The following EMSY variants were observed in gnomAD, a reference collection of about 807,000 sequenced individuals.
EMSY encodes BRCA2-interacting transcriptional repressor EMSY.
In EMSY, 26 loss-of-function variants were observed where a neutral mutation model predicts 134.6. The observed-to-expected ratio is 0.19, with a 90% CI of 0.14 to 0.27. EMSY has a LOEUF of 0.27. Among genes scored for constraint, EMSY ranks in the 10% least tolerant of loss-of-function variants. EMSY has a pLI of 1.00. For synonymous variants in EMSY, 579 were observed against 577.8 expected (o/e 1.00, Z -0.03); for missense variants, 1,305 against 1,611.4 (o/e 0.81, Z 3.26).
At chr11:76,513,317 C>T in intron 9 of EMSY, 69 bp from the exon 11 acceptor site, 2 of 1,491,950 alleles carry the variant, frequency 1.3e-6, no homozygotes, top group African/African-American at 1.4e-5. Flanking sequence ...CTACTGCCCT[C>T]TTGGGTTGGT....
At chr11:76,457,430 T>C (rs953500402) in intron 4 of EMSY, among the ~76,000 whole-genome samples, 2 of 152,220 alleles carry the variant, frequency 1.3e-5, no homozygotes, top group African/African-American at 2.4e-5. Flanking sequence ...ATTCTTGGAA[T>C]AAAATTTGCT....
chr11:76,505,210 G>T (rs1346357006), intron 9 of EMSY, among the ~76,000 whole-genome samples: 1 of 152,080 alleles, frequency 6.6e-6, no homozygotes, highest in Non-Finnish European at 1.5e-5. Flanking sequence ...TCGGCCGGGA[G>T]CGGTGGCTCA....
At chr11:76,552,537 T>A (rs1026053297), downstream of EMSY, 1 of 152,200 alleles carries the variant, frequency 6.6e-6, no homozygotes, top group Admixed American at 6.5e-5. Context: ...TCCTAACAAC[T>A]ATTAGGCAGT....
At chr11:76,512,423 G>A (rs1950310029) in intron 9 of EMSY, among the ~76,000 whole-genome samples, 1 of 151,974 alleles carries the variant, frequency 6.6e-6, no homozygotes, top group South Asian at 2.1e-4. Flanking sequence ...TTTAGTAGTG[G>A]TATTTCCGTT....
intron 19 of EMSY, 30 bp downstream of exon 20, chr11:76,544,852 A>G: frequency 6.2e-7 from 1 of 1,602,254 alleles, no homozygotes; most frequent in South Asian, 1.1e-5. Context: ...ATGCAAAGTT[A>G]AACTTCTCTG....
chr11:76,487,765 T>G (rs1407547750), intron 8 of EMSY, among the ~76,000 whole-genome samples: 1 of 152,268 alleles, frequency 6.6e-6, no homozygotes, highest in Non-Finnish European at 1.5e-5. Context: ...ATGTTTCGAC[T>G]TGGGTCACAT....
At position 76,453,424 on chromosome 11, in the gene EMSY, GAC is replaced by G. The variant is rs577305612; in HGVS notation, c.245+38_245+39del. ...AGTCGTACCATCCCTGATTTTTTAT[GAC>G]ATAGTATAACACAGTTTTGAAACAG... On this transcript the variant is annotated intron_variant, in intron 4 of 20. Transcript: ENST00000334736. 7.0e-5 allele frequency: 110 copies of G among 1,582,060 alleles called. No individual in the cohort carries two copies. The African/African-American group carries it at 1.1e-3, about 16-fold the overall frequency.
At chr11:76,511,860 A>G (rs1950289481) in intron 9 of EMSY, among the ~76,000 whole-genome samples, 15 of 152,170 alleles carry the variant, frequency 9.9e-5, no homozygotes, top group Admixed American at 9.8e-4. Flanking sequence ...TATGAACTTT[A>G]CAGTTGTGAT....
chr11:76,466,554 G>A (rs913820272), intron 7 of EMSY, among the ~76,000 whole-genome samples: 9 of 152,016 alleles, frequency 5.9e-5, no homozygotes, highest in African/African-American at 2.2e-4. Context: ...TTCTGTGTTC[G>A]GTGTATGGTC....
intron 4 of EMSY, 27 bp downstream of exon 4, chr11:76,453,415 A>AT (rs1565271104): frequency 1.3e-6 from 2 of 1,597,848 alleles, no homozygotes; most frequent in Admixed American, 1.7e-5. Context: ...ACCATCCCTG[A>AT]TTTTTTATGA....
rs11236769 is a variant in EMSY at position 76,508,482 on chromosome 11, T to C, written c.1364-4904T>C. Reference sequence around the variant, plus strand: ...AGGCAGAGTAGATTTAGCATCCTTTTTAAGGACCCTAGCATTTTGCGAATG... The same window carrying C: ...AGGCAGAGTAGATTTAGCATCCTTTCTAAGGACCCTAGCATTTTGCGAATG... On this transcript the variant is annotated intron_variant, in intron 9 of 20. Coordinates refer to ENST00000334736, the Ensembl canonical transcript of EMSY. Among the ~76,000 whole-genome samples, 1,036 of 152,248 alleles carry C rather than the reference T, an allele frequency of 6.8e-3. 11 individuals carry two copies. The highest frequency in any genetic ancestry group is 0.024 in the African/African-American group (980 of 41,524).
chr11:76,469,395 C>T (rs1041263820), intron 7 of EMSY, among the ~76,000 whole-genome samples: 2 of 152,132 alleles, frequency 1.3e-5, no homozygotes, highest in Admixed American at 1.3e-4. Flanking sequence ...CATTACTACT[C>T]TAATGGTTTG....
At chr11:76,499,726 A>G (rs770680744) in intron 9 of EMSY, among the ~76,000 whole-genome samples, 2 of 151,776 alleles carry the variant, frequency 1.3e-5, no homozygotes, top group Non-Finnish European at 2.9e-5. Context: ...TTTGTAGTTT[A>G]CTTGAAGAAT....
chr11:76,466,800 A>G (rs1948370573), intron 7 of EMSY, among the ~76,000 whole-genome samples: 1 of 152,222 alleles, frequency 6.6e-6, no homozygotes, highest in Non-Finnish European at 1.5e-5. Context: ...TTAGAACCCT[A>G]GTTCTTCTAG....
At chr11:76,513,649 A>C in intron 10 of EMSY, 114 bp downstream of exon 11, 1 of 1,146,424 alleles carries the variant, frequency 8.7e-7, no homozygotes, top group Non-Finnish European at 1.2e-6. Context: ...ACAGTTTTTC[A>C]AAGAGGCCTT....
chr11:76,512,415 T>C (rs1565333503), intron 9 of EMSY, among the ~76,000 whole-genome samples: 1 of 152,192 alleles, frequency 6.6e-6, no homozygotes, highest in Admixed American at 6.5e-5. Context: ...ATTCTGTTTT[T>C]AGTAGTGGTA....
chr11:76,451,581 A>C (rs1239148323), intron 2 of EMSY, among the ~76,000 whole-genome samples: 3 of 152,108 alleles, frequency 2.0e-5, no homozygotes, highest in Non-Finnish European at 4.4e-5. Context: ...CATTTGTGTT[A>C]TATGTTTTTT....
Position 76,542,433 on chromosome 11 carries a change from A to G in EMSY, c.2709+66A>G. ...CATGCTTGAAATAAGATTCAGTGTC[A>G]TCTTGTATTTTAAGAGGAGAAATAA... On this transcript the variant is annotated intron_variant, in intron 18 of 20. Coordinates refer to ENST00000334736, the Ensembl canonical transcript of EMSY. 2.6e-6 allele frequency: 4 copies of G among 1,542,768 alleles called. No individual in the cohort carries two copies. The South Asian group carries it at 3.4e-5, about 13-fold the overall frequency.
At chr11:76,452,463 GC>G (rs1363007952) in intron 3 of EMSY, among the ~76,000 whole-genome samples, 1 of 152,142 alleles carries the variant, frequency 6.6e-6, no homozygotes, top group East Asian at 1.9e-4. Context: ...ATGTTATTAA[GC>G]CAAATTCTCA....
Sources: allele counts gnomAD v4.1 joint callset (sites outside exome capture counted in the v4.1 genomes callset), GRCh38; gene constraint gnomAD v4.1.1; transcripts MANE v1.5; gene names NCBI Gene and HGNC (gene_info 2026-07-23, HGNC 2026-07-21).